EYS: variants seen among roughly 807,000 people sequenced by gnomAD.
EYS encodes EGF-like photoreceptor maintenance factor, also known as protein eyes shut homolog.
In EYS, 250 loss-of-function variants were observed where a neutral mutation model predicts 282.1. That is an observed-to-expected ratio of 0.89 (90% CI 0.80 to 0.98). The LOEUF is 0.98. EYS is among the 50% of genes least tolerant of loss of function. The probability of loss-of-function intolerance (pLI) is 0.00; values close to 1 mark genes in which losing one functional copy is unlikely to be tolerated. For missense variants in EYS, 4,016 were observed against 3,709.0 expected (o/e 1.08, Z -2.15); for synonymous variants, 1,355 against 1,282.9 (o/e 1.06, Z -1.20).
chr6:64,627,948 C>T (rs1305540411), intron 22 of EYS, among the ~76,000 whole-genome samples: 5 of 152,066 alleles, frequency 3.3e-5, no homozygotes, highest in African/African-American at 4.8e-5. Context: ...GGCGTGGTGG[C>T]GGGCTTCTGT....
At chr6:65,611,884 G>A (rs978480924) in intron 2 of EYS, among the ~76,000 whole-genome samples, 2 of 151,986 alleles carry the variant, frequency 1.3e-5, no homozygotes, top group Admixed American at 6.6e-5. Context: ...AGGAAACATT[G>A]CTCAAAAGGT....
At chr6:65,441,521 G>A (rs1180660439) in intron 5 of EYS, among the ~76,000 whole-genome samples, 2 of 151,936 alleles carry the variant, frequency 1.3e-5, no homozygotes, top group African/African-American at 4.8e-5. Flanking sequence ...TAAACAGTTA[G>A]GTCTTTCAGC....
chr6:65,655,652 T>C (rs1767795204), intron 1 of EYS, among the ~76,000 whole-genome samples: 2 of 151,854 alleles, frequency 1.3e-5, no homozygotes, highest in South Asian at 4.1e-4. Flanking sequence ...GCTGTGTGTT[T>C]TTTTATTTGT....
At chr6:64,440,794 A>G (rs1358325159) in intron 26 of EYS, among the ~76,000 whole-genome samples, 3 of 152,162 alleles carry the variant, frequency 2.0e-5, no homozygotes, top group Non-Finnish European at 4.4e-5. Flanking sequence ...CATTACAAGA[A>G]GAATATACCC....
rs537431308 is a variant in EYS at position 64,659,292 on chromosome 6, T to C, written c.3444-33047A>G. On this transcript the variant is annotated intron_variant, in intron 22 of 42. Transcript: ENST00000503581. The stretch of plus-strand genomic sequence containing the variant: ...CCCACAAGAGAAAGCAGGAAAGATT[T>C]AAAATTGACACCCTAACATCACAAT... 1.2e-3 allele frequency among the ~76,000 whole-genome samples: 181 copies of C among 152,248 alleles called. 1 individual carries two copies. The highest frequency in any genetic ancestry group is 2.2e-3 in the Admixed American group (33 of 15,290).
chr6:64,595,821 G>C (rs1469288884), intron 24 of EYS, among the ~76,000 whole-genome samples: 1 of 152,084 alleles, frequency 6.6e-6, no homozygotes, highest in African/African-American at 2.4e-5. Context: ...CATGGTTATG[G>C]AGCAGAAGAA....
chr6:63,961,970 C>G (rs549651546), intron 35 of EYS, among the ~76,000 whole-genome samples: 1 of 152,270 alleles, frequency 6.6e-6, no homozygotes, highest in South Asian at 2.1e-4. Flanking sequence ...CTACAACTAT[C>G]TGATCTTTGA....
At chr6:65,702,440 C>G (rs1769710164) in intron 1 of EYS, among the ~76,000 whole-genome samples, 1 of 152,132 alleles carries the variant, frequency 6.6e-6, no homozygotes, top group Non-Finnish European at 1.5e-5. Context: ...CCTTGTAATT[C>G]CAGCATTTTG....
intron 14 of EYS, among the ~76,000 whole-genome samples, chr6:64,963,956 C>T (rs1770012548): frequency 6.6e-6 from 1 of 152,012 alleles, no homozygotes; most frequent in South Asian, 2.1e-4. Context: ...AGGTAAAACA[C>T]ACATGAATAC....
chr6:64,322,197 G>A (rs1230225208), intron 29 of EYS, among the ~76,000 whole-genome samples: 1 of 151,886 alleles, frequency 6.6e-6, no homozygotes, highest in Non-Finnish European at 1.5e-5. Context: ...AAAATTAATC[G>A]ACATTTTTTC....
chr6:64,984,960 T>G (rs1770805020), intron 14 of EYS, among the ~76,000 whole-genome samples: 1 of 151,534 alleles, frequency 6.6e-6, no homozygotes, highest in South Asian at 2.1e-4. Flanking sequence ...TCAGACAATC[T>G]AAAAACTTGC....
chr6:64,707,586 G>C (rs549013667), intron 22 of EYS, among the ~76,000 whole-genome samples: 7 of 151,384 alleles, frequency 4.6e-5, no homozygotes. Flanking sequence ...GGAGAATGGC[G>C]TGAACCCGGG....
intron 30 of EYS, among the ~76,000 whole-genome samples, chr6:64,289,915 G>A (rs1286659896): frequency 1.3e-5 from 2 of 151,974 alleles, no homozygotes; most frequent in Non-Finnish European, 2.9e-5. Context: ...ACATATACCT[G>A]GTAAGTAGGC....
intron 30 of EYS, among the ~76,000 whole-genome samples, chr6:64,239,033 G>A (rs896190649): frequency 2.0e-5 from 3 of 152,138 alleles, no homozygotes; most frequent in Admixed American, 6.5e-5. Context: ...TTAGTTTGCC[G>A]AGAATGATGG....
chr6:65,396,569 C>T (rs1051125345), intron 7 of EYS, among the ~76,000 whole-genome samples: 1 of 151,982 alleles, frequency 6.6e-6, no homozygotes, highest in Admixed American at 6.6e-5. Flanking sequence ...AAAGCTCGAC[C>T]CTACTTTAAT....
At chr6:65,128,946 T>G (rs1040043267) in intron 12 of EYS, among the ~76,000 whole-genome samples, 42 of 152,084 alleles carry the variant, frequency 2.8e-4, no homozygotes, top group African/African-American at 1.0e-3. Context: ...AAAACCAGCA[T>G]GGAACTGGTA....
chr6:64,239,563 G>A (rs181071495), intron 30 of EYS, among the ~76,000 whole-genome samples: 1 of 150,364 alleles, frequency 6.7e-6, no homozygotes, highest in African/African-American at 2.4e-5. Flanking sequence ...TTTGAGAAGT[G>A]TCTGTTCATA....
chr6:64,026,011 C>T (rs745653222), intron 33 of EYS, among the ~76,000 whole-genome samples: 4 of 152,170 alleles, frequency 2.6e-5, no homozygotes, highest in Non-Finnish European at 4.4e-5. Context: ...TTTTAGAATG[C>T]CTCAGTAGGG....
At chr6:65,488,101 T>A (rs1024806833) in intron 5 of EYS, among the ~76,000 whole-genome samples, 1 of 152,160 alleles carries the variant, frequency 6.6e-6, no homozygotes, top group African/African-American at 2.4e-5. Flanking sequence ...GTATATCTAT[T>A]TTGTTGATCT....
Sources: allele counts gnomAD v4.1 joint callset (sites outside exome capture counted in the v4.1 genomes callset), GRCh38; gene constraint gnomAD v4.1.1; transcripts MANE v1.5; gene names NCBI Gene and HGNC (gene_info 2026-07-23, HGNC 2026-07-21).